Variants in CACNA2D3 observed in about 807,000 individuals in gnomAD.
CACNA2D3 encodes the protein calcium voltage-gated channel auxiliary subunit alpha2delta 3.
In CACNA2D3, 60 loss-of-function variants were observed where a neutral mutation model predicts 160.6. That is an observed-to-expected ratio of 0.37 (90% CI 0.30 to 0.46). CACNA2D3 has a LOEUF of 0.46. Among genes scored for constraint, CACNA2D3 ranks in the 20% least tolerant of loss-of-function variants. The pLI, the probability that CACNA2D3 is intolerant of heterozygous loss-of-function variation, is 1.00. For missense variants in CACNA2D3, 1,205 were observed against 1,365.0 expected (o/e 0.88, Z 1.85); for synonymous variants, 558 against 492.9 (o/e 1.13, Z -1.75).
intron 2 of CACNA2D3, among the ~76,000 whole-genome samples, chr3:54,166,762 G>A (rs764481529): frequency 6.6e-6 from 1 of 152,170 alleles, no homozygotes; most frequent in Non-Finnish European, 1.5e-5. Flanking sequence ...TTTTAAATGA[G>A]TTTTTATGAG....
Position 55,007,839 on chromosome 3 carries a change from T to C in CACNA2D3, c.2816T>C (p.Val939Ala). The change falls in exon 33 of 38, where the codon GTC becomes GCC. Residue 939 changes from valine (V) to alanine (A), a missense_variant. Physicochemically the swap from Val to Ala is moderately conservative, Grantham distance 64 (BLOSUM62 0). This residue lies in a region of CACNA2D3 where 911 missense variants were observed against 1,002.2 expected (regional missense o/e 0.91). Coordinates refer to ENST00000474759, the MANE Select transcript of CACNA2D3 (RefSeq NM_018398.3). The stretch of plus-strand genomic sequence containing the variant: ...GTAAAATGGATCATGACAGAACTTG[T>C]CTTGTAAGTAAAATCTGCTGCATTT... ...SAVKWIMTELVLFLVEFNLCS... is the reference protein window; with the variant it reads ...SAVKWIMTELALFLVEFNLCS... 6.5e-7 allele frequency: 1 copy of C among 1,543,336 alleles called. No homozygotes were observed. Among genetic ancestry groups the C allele is most frequent in the Non-Finnish European group, 8.7e-7 (1 of 1,148,692 alleles).
At chr3:54,663,681 CCTGA>C (rs1319981923) in intron 11 of CACNA2D3, among the ~76,000 whole-genome samples, 7 of 152,212 alleles carry the variant, frequency 4.6e-5, no homozygotes, top group African/African-American at 1.2e-4. Flanking sequence ...GTGGTCACTG[CCTGA>C]CTAACTCATA....
chr3:54,901,857 AT>A (rs974550587), intron 27 of CACNA2D3, among the ~76,000 whole-genome samples: 6 of 152,182 alleles, frequency 3.9e-5, no homozygotes, highest in Admixed American at 3.3e-4. Flanking sequence ...GTCTCCAAAA[AT>A]AGAGCGGCCT....
chr3:55,026,485 T>C (rs1703565128), intron 35 of CACNA2D3, among the ~76,000 whole-genome samples: 1 of 152,120 alleles, frequency 6.6e-6, no homozygotes, highest in Non-Finnish European at 1.5e-5. Context: ...CCATGGTTAG[T>C]GCCATGATTA....
chr3:54,956,551 A>G (rs1701898736), intron 27 of CACNA2D3, among the ~76,000 whole-genome samples: 2 of 152,180 alleles, frequency 1.3e-5, no homozygotes, highest in Non-Finnish European at 2.9e-5. Context: ...GTGCACAGCC[A>G]AAAATACTTT....
intron 2 of CACNA2D3, among the ~76,000 whole-genome samples, chr3:54,314,362 A>G (rs1182713863): frequency 1.3e-5 from 2 of 152,182 alleles, no homozygotes; most frequent in Admixed American, 1.3e-4. Flanking sequence ...TGCCACTATA[A>G]GCATGTGTGT....
intron 4 of CACNA2D3, among the ~76,000 whole-genome samples, chr3:54,480,861 G>A (rs1045083174): frequency 5.9e-5 from 9 of 152,174 alleles, no homozygotes; most frequent in African/African-American, 2.2e-4. Context: ...CTTTGTGACA[G>A]ATGGGGAAAC....
At chr3:55,004,501 C>T (rs1357843649) in intron 31 of CACNA2D3, among the ~76,000 whole-genome samples, 2 of 152,198 alleles carry the variant, frequency 1.3e-5, no homozygotes, top group East Asian at 1.9e-4. Flanking sequence ...ATGACTGTTT[C>T]GTCAAGTTAG....
intron 35 of CACNA2D3, among the ~76,000 whole-genome samples, chr3:55,069,886 T>C (rs1484253859): frequency 6.6e-6 from 1 of 152,278 alleles, no homozygotes; most frequent in Non-Finnish European, 1.5e-5. Flanking sequence ...AATGCTCCCG[T>C]ATCTTACAGG....
At chr3:54,488,868 C>G (rs891861947) in intron 4 of CACNA2D3, among the ~76,000 whole-genome samples, 1 of 152,110 alleles carries the variant, frequency 6.6e-6, no homozygotes, top group Non-Finnish European at 1.5e-5. Flanking sequence ...GGGACAGGCT[C>G]GTGAGGCTCC....
At chr3:54,489,138 AG>A (rs1374507829) in intron 4 of CACNA2D3, among the ~76,000 whole-genome samples, 1 of 152,232 alleles carries the variant, frequency 6.6e-6, no homozygotes, top group African/African-American at 2.4e-5. Context: ...CAGAGTGAGC[AG>A]GGCCTCATCA....
chr3:54,253,749 C>G (rs1702240393), intron 2 of CACNA2D3, among the ~76,000 whole-genome samples: 1 of 150,848 alleles, frequency 6.6e-6, no homozygotes, highest in Admixed American at 6.6e-5. Flanking sequence ...AATGTACCCT[C>G]TAATCCAAGG....
At position 54,752,645 on chromosome 3, in the gene CACNA2D3, A is replaced by C; in HGVS notation, c.1214A>C (p.Asp405Ala). 1.9e-6 allele frequency: 3 copies of C among 1,613,482 alleles called. No homozygotes were observed. The highest frequency in any genetic ancestry group is 2.5e-6 in the Non-Finnish European group (3 of 1,179,720). Residue 405 changes from aspartate (D) to alanine (A), a missense_variant, in exon 12 of 38, where the codon GAC becomes GCC. Physicochemically the swap from Asp to Ala is moderately radical, Grantham distance 126. This residue lies in a region of CACNA2D3 where 911 missense variants were observed against 1,002.2 expected (regional missense o/e 0.91). Transcript: ENST00000474759. ...YLIGREAAFA[D>A]NLKWMACANK... is the part of the protein sequence containing the mutation. Reference sequence around the variant, plus strand: ...ATTGGACGAGAGGCTGCGTTTGCAGACAATCTAAAGTGGATGGCCTGTGCC... The same window carrying C: ...ATTGGACGAGAGGCTGCGTTTGCAGCCAATCTAAAGTGGATGGCCTGTGCC...
intron 4 of CACNA2D3, among the ~76,000 whole-genome samples, chr3:54,431,358 A>G (rs575611433): frequency 1.4e-3 from 215 of 151,924 alleles, no homozygotes; most frequent in African/African-American, 5.0e-3. Context: ...GAAAAATCAT[A>G]AAGAAGATAA....
At chr3:54,774,588 CA>C (rs759720428) in intron 13 of CACNA2D3, among the ~76,000 whole-genome samples, 1 of 149,028 alleles carries the variant, frequency 6.7e-6, no homozygotes, top group Non-Finnish European at 1.5e-5. Flanking sequence ...CAAACCATAT[CA>C]GGGGTTAATC....
intron 9 of CACNA2D3, among the ~76,000 whole-genome samples, chr3:54,586,957 A>G (rs1278841801): frequency 1.3e-5 from 2 of 152,120 alleles, no homozygotes; most frequent in Non-Finnish European, 2.9e-5. Context: ...AAATTAAAAA[A>G]AATACAAATC....
Position 54,954,499 on chromosome 3 carries a change from A to G in CACNA2D3, c.2450-13951A>G, listed in dbSNP as rs141587020. On this transcript the variant is annotated intron_variant, in intron 27 of 37. Coordinates refer to ENST00000474759, the MANE Select transcript of CACNA2D3 (RefSeq NM_018398.3). ...TAGGAAGGCAGATGCCTGCCCAGAC[A>G]TCAGGGTGCATATCTTTCTGTCGGG... is the stretch of plus-strand genomic sequence containing the variant. 2.7e-3 allele frequency among the ~76,000 whole-genome samples: 414 copies of G among 152,364 alleles called. 2 individuals are homozygous for G. Among genetic ancestry groups the G allele is most frequent in the African/African-American group, 9.6e-3 (399 of 41,600 alleles).
chr3:54,883,637 C>G (rs1205303206), intron 21 of CACNA2D3, among the ~76,000 whole-genome samples: 1 of 152,168 alleles, frequency 6.6e-6, no homozygotes, highest in Non-Finnish European at 1.5e-5. Context: ...ACTTGACACT[C>G]TAAACCCAGT....
At chr3:54,275,301 C>T (rs1225833229) in intron 2 of CACNA2D3, among the ~76,000 whole-genome samples, 1 of 152,102 alleles carries the variant, frequency 6.6e-6, no homozygotes, top group African/African-American at 2.4e-5. Flanking sequence ...GGTGTGCACC[C>T]CTCCCCTAGG....
Sources: gnomAD v4.1 joint callset for allele counts (sites outside exome capture counted in the v4.1 genomes callset) on GRCh38, gnomAD v4.1.1 for gene constraint, gnomAD v4.1.1 regional missense constraint, MANE v1.5 for transcripts, NCBI Gene and HGNC (gene_info 2026-07-23, HGNC 2026-07-21) for gene names.